GPR50: variants seen among roughly 807,000 people sequenced by gnomAD.
GPR50 encodes G protein-coupled receptor 50.
A neutral mutation model predicts 2.6 loss-of-function variants in GPR50; 1 was observed. The observed-to-expected ratio is 0.38, with a 90% confidence interval of 0.13 to 1.79. The LOEUF is 1.79. GPR50 is among the 40% of genes most tolerant of loss of function. The probability of loss-of-function intolerance (pLI) is 0.33; values close to 1 mark genes in which losing one functional copy is unlikely to be tolerated. For synonymous variants in GPR50, 233 were observed against 202.3 expected, an observed-to-expected ratio of 1.15 and a Z score of -1.29; for missense variants, 535 against 522.1, an observed-to-expected ratio of 1.02 and a Z score of -0.24.
In GPR50 at chrX:151,176,882, C is replaced by T. The variant is rs200181373; in HGVS notation, c.161C>T (p.Thr54Met). The change falls in exon 1 of 2, where the codon ACG becomes ATG. Residue 54 changes from threonine (T) to methionine (M), a missense_variant. Thr to Met is a moderately conservative substitution (Grantham distance 81). Transcript: ENST00000218316. ...AACTCCATGGTCATTTTGGCTGTGACGAAGAACAAGAAGCTCCGGAATTCT... is the reference window on the plus strand; with the variant it reads ...AACTCCATGGTCATTTTGGCTGTGATGAAGAACAAGAAGCTCCGGAATTCT... ...IGNSMVILAVTKNKKLRNSGN... is the reference protein window; with the variant it reads ...IGNSMVILAVMKNKKLRNSGN... The T allele has an allele frequency of 1.0e-5, 12 of 1,203,705 alleles. No individual in the cohort carries two copies. Among genetic ancestry groups the T allele is most frequent in the East Asian group, 5.9e-5 (2 of 33,632 alleles).
rs202029963 is a variant in GPR50, at chrX:151,181,283, C to T, written c.1700C>T (p.Pro567Leu). 116 of 1,209,626 alleles carry T rather than the reference C, an allele frequency of 9.6e-5. No homozygotes were observed. The highest frequency in any genetic ancestry group is 1.3e-4 in the Non-Finnish European group (114 of 895,005). ...GACCTCCCTGAGTCGGCCTCTAGCC[C>T]TGCCGCTGGGCCCACCAAGCCTGCT... Reference protein sequence around the residue: ...DSDLPESASSPAAGPTKPAAS... With the variant: ...DSDLPESASSLAAGPTKPAAS... The change falls in exon 2 of 2, where the codon CCT (proline) becomes CTT (leucine). Residue 567 changes from proline (P) to leucine (L), a missense_variant. Coordinates refer to ENST00000218316, the MANE Select transcript of GPR50 (RefSeq NM_004224.3).
chrX:151,179,700 A>C, intron 1 of GPR50, 71 bp from the exon 2 acceptor site: 1 of 737,068 alleles, frequency 1.4e-6, no homozygotes, highest in Non-Finnish European at 2.0e-6. Context: ...TTAAATGTGT[A>C]GATTTCTGTA....
chrX:151,179,732 T>C (rs1252492592), intron 1 of GPR50, 39 bp from the exon 2 acceptor site: 1 of 989,044 alleles, frequency 1.0e-6, no homozygotes, highest in Admixed American at 2.8e-5. Flanking sequence ...TATTCTTCTC[T>C]GTCTTTCCCC....
Position 151,179,933 on chromosome X carries a change from T to C in GPR50, c.350T>C (p.Phe117Ser). The C allele has an allele frequency of 8.3e-7, 1 of 1,211,369 alleles. No homozygotes were observed. The highest frequency in any genetic ancestry group is 1.1e-6 in the Non-Finnish European group (1 of 895,423). ...ITGLSVVGSI[F>S]NIVAIAINRY... Reference sequence around the variant, plus strand: ...GGGCTGAGTGTGGTCGGCTCCATCTTCAACATCGTGGCAATCGCTATCAAC... The same window carrying C: ...GGGCTGAGTGTGGTCGGCTCCATCTCCAACATCGTGGCAATCGCTATCAAC... The change falls in exon 2 of 2, where the codon TTC becomes TCC. Residue 117 changes from phenylalanine to serine, a missense_variant. By Grantham distance (155) the Phe-to-Ser change is radical. Transcript: ENST00000218316.
At chrX:151,179,052 C>G (rs1293576016) in intron 1 of GPR50, among the ~76,000 whole-genome samples, 2 of 101,052 alleles carry the variant, frequency 2.0e-5, no homozygotes, top group Non-Finnish European at 4.0e-5. Context: ...CTCCTCCCCC[C>G]CACCCCCGCC....
In GPR50 at chrX:151,181,282, C is replaced by T; in HGVS notation, c.1699C>T (p.Pro567Ser). ...TGACCTCCCTGAGTCGGCCTCTAGCCCTGCCGCTGGGCCCACCAAGCCTGC... is the reference window on the plus strand; with the variant it reads ...TGACCTCCCTGAGTCGGCCTCTAGCTCTGCCGCTGGGCCCACCAAGCCTGC... ...DSDLPESASS[P>S]AAGPTKPAAS... is the part of the protein sequence containing the mutation. The change falls in exon 2 of 2, where the codon CCT becomes TCT. Residue 567 changes from proline to serine, a missense_variant. Transcript: ENST00000218316. 2 of 1,211,333 alleles carry T rather than the reference C, an allele frequency of 1.7e-6. No individual in the cohort carries two copies. Among genetic ancestry groups the T allele is most frequent in the Non-Finnish European group, 2.2e-6 (2 of 895,268 alleles).
At chrX:151,182,433 C>T (rs1228851586), downstream of GPR50, 2 of 111,764 alleles carry the variant, frequency 1.8e-5, no homozygotes, top group Non-Finnish European at 3.8e-5. Flanking sequence ...TGCTTTCATT[C>T]AAAAGGGAAT....
In GPR50 at chrX:151,176,921, T is replaced by A; in HGVS notation, c.187+13T>A. ...CTCCGGAATTCTGGTAAGCCACCCC[T>A]TCTTCTCCCTACCCAGTGTGCAGAG... is the stretch of plus-strand genomic sequence containing the variant. On this transcript the variant is annotated intron_variant, in intron 1 of 1. Transcript: ENST00000218316. 8.6e-7 allele frequency: 1 copy of A among 1,158,507 alleles called. No individual in the cohort carries two copies. The highest frequency in any genetic ancestry group is 1.2e-6 in the Non-Finnish European group (1 of 851,231).
In GPR50 at chrX:151,176,708, T is replaced by A. The variant is rs375080244; in HGVS notation, c.-14T>A. 4.4e-6 allele frequency: 5 copies of A among 1,147,459 alleles called. No individual in the cohort carries two copies. The highest frequency in any genetic ancestry group is 5.8e-6 in the Non-Finnish European group (5 of 855,855). The allele number at this position is 1,147,459 out of a possible 1,213,427, so 94.6% of individuals were successfully genotyped here. A position where few individuals can be genotyped will look rare whatever the true frequency, so the allele number is the denominator to read the frequency against. ...TGAGCCTGCTGGGAGATCTTAACGA[T>A]CCCCAGGAGCAACATGGGGCCCACC... On this transcript the variant is annotated 5_prime_UTR_variant, in exon 1 of 2. Transcript: ENST00000218316.
In GPR50 at chrX:151,179,782, G is replaced by T; in HGVS notation, c.199G>T (p.Val67Leu). 8.6e-7 allele frequency: 1 copy of T among 1,161,102 alleles called. No individual in the cohort carries two copies. The highest frequency in any genetic ancestry group is 1.2e-6 in the Non-Finnish European group (1 of 865,814). Reference sequence around the variant, plus strand: ...GATATGTTTTTCAGGCAACATCTTCGTGGTCAGTCTCTCTGTGGCCGATAT... The same window carrying T: ...GATATGTTTTTCAGGCAACATCTTCTTGGTCAGTCTCTCTGTGGCCGATAT... Reference protein sequence around the residue: ...KKLRNSGNIFVVSLSVADMLV... With the variant: ...KKLRNSGNIFLVSLSVADMLV... The change falls in exon 2 of 2, where the codon GTG becomes TTG. Residue 67 changes from valine (V) to leucine (L), a missense_variant. By Grantham distance (32) the Val-to-Leu change is conservative (BLOSUM62 1). Coordinates refer to ENST00000218316, the MANE Select transcript of GPR50 (RefSeq NM_004224.3).
intron 1 of GPR50, among the ~76,000 whole-genome samples, chrX:151,179,004 T>C (rs917532587): frequency 4.5e-5 from 5 of 111,799 alleles, no homozygotes; most frequent in African/African-American, 1.6e-4. Context: ...GGCATGTAAC[T>C]GAAACAGGCA....
rs1409297036 is a variant in GPR50 at position 151,181,289 on chromosome X, C to G, written c.1706C>G (p.Ala569Gly). 3.3e-6 allele frequency: 4 copies of G among 1,211,442 alleles called. No individual in the cohort carries two copies. Among genetic ancestry groups the G allele is most frequent in the Admixed American group, 2.2e-5 (1 of 46,092 alleles). ...DLPESASSPA[A>G]GPTKPAASQL... ...CCTGAGTCGGCCTCTAGCCCTGCCGCTGGGCCCACCAAGCCTGCTGCCAGC... is the reference window on the plus strand; with the variant it reads ...CCTGAGTCGGCCTCTAGCCCTGCCGGTGGGCCCACCAAGCCTGCTGCCAGC... The change falls in exon 2 of 2, where the codon GCT (alanine) becomes GGT (glycine). Residue 569 changes from alanine (A) to glycine (G), a missense_variant. Transcript: ENST00000218316.
chrX:151,179,375 T>C (rs754804632), intron 1 of GPR50, among the ~76,000 whole-genome samples: 1 of 110,718 alleles, frequency 9.0e-6, no homozygotes, highest in East Asian at 2.8e-4. Context: ...TTTTTTTAGT[T>C]TGAGGCTTCC....
chrX:151,178,977 C>T (rs1453941901), intron 1 of GPR50, among the ~76,000 whole-genome samples: 1 of 112,295 alleles, frequency 8.9e-6, no homozygotes, highest in African/African-American at 3.2e-5. Flanking sequence ...CGCGGCTCTG[C>T]GCGTGGACGT....
chrX:151,181,037 G>A lies in GPR50; in HGVS notation c.1454G>A (p.Gly485Asp). The part of the protein sequence containing the change: ...KPITGHHVSA[G>D]SHSKSAFSAA... Reference sequence around the variant, plus strand: ...ATCACTGGCCACCATGTCTCTGCTGGCAGCCACTCCAAGTCTGCCTTCAGT... The same window carrying A: ...ATCACTGGCCACCATGTCTCTGCTGACAGCCACTCCAAGTCTGCCTTCAGT... Residue 485 changes from glycine to aspartate, a missense_variant, in exon 2 of 2, where the codon GGC (glycine) becomes GAC (aspartate). Transcript: ENST00000218316. The A allele has an allele frequency of 8.3e-7, 1 of 1,210,401 alleles. No homozygotes were observed. Among genetic ancestry groups the A allele is most frequent in the Non-Finnish European group, 1.1e-6 (1 of 895,040 alleles).
rs754033816 is a variant in GPR50 at position 151,180,088 on chromosome X, A to T, written c.505A>T (p.Ile169Phe). The T allele has an allele frequency of 8.3e-7, 1 of 1,210,110 alleles. No individual in the cohort carries two copies. Among genetic ancestry groups the T allele is most frequent in the Admixed American group, 2.2e-5 (1 of 46,008 alleles). The change falls in exon 2 of 2, where the codon ATC becomes TTC. Residue 169 changes from isoleucine to phenylalanine, a missense_variant. By Grantham distance (21) the Ile-to-Phe change is conservative. Coordinates refer to ENST00000218316, the MANE Select transcript of GPR50 (RefSeq NM_004224.3). ...CCTGCCCAACATGTACATTGGCACC[A>T]TCGAGTACGATCCTCGCACCTACAC... Reference protein sequence around the residue: ...AVLPNMYIGTIEYDPRTYTCI... With the variant: ...AVLPNMYIGTFEYDPRTYTCI...
In GPR50 at chrX:151,180,773, G is replaced by T. The variant is rs200441669; in HGVS notation, c.1190G>T (p.Arg397Leu). ...KPHSRSSSAY[R>L]KSASTHHKSV... ...CATTCCAGATCCTCCTCTGCCTATCGCAAATCTGCCTCTACCCACCACAAG... is the reference window on the plus strand; with the variant it reads ...CATTCCAGATCCTCCTCTGCCTATCTCAAATCTGCCTCTACCCACCACAAG... Residue 397 changes from arginine (R) to leucine (L), a missense_variant, in exon 2 of 2, where the codon CGC becomes CTC. Arg to Leu is a moderately radical substitution (Grantham distance 102, BLOSUM62 -2). Transcript: ENST00000218316. 2.1e-5 allele frequency: 25 copies of T among 1,207,334 alleles called. No individual in the cohort carries two copies. In the African/African-American group the frequency reaches 4.1e-4, roughly 20 times the overall value.
rs1443385893 is a variant in GPR50, at chrX:151,180,894, C to G, written c.1311C>G (p.Val437=). 8.3e-7 allele frequency: 1 copy of G among 1,208,910 alleles called. No individual in the cohort carries two copies. Among genetic ancestry groups the G allele is most frequent in the Non-Finnish European group, 1.1e-6 (1 of 894,819 alleles). ...PASGHPKSAT[V]YPKPASVHFK... is the part of the protein sequence containing the mutation. ...CTGGTCACCCCAAGTCTGCCACTGTCTACCCTAAGCCTGCCTCTGTCCATT... is the reference window on the plus strand; with the variant it reads ...CTGGTCACCCCAAGTCTGCCACTGTGTACCCTAAGCCTGCCTCTGTCCATT... The change falls in exon 2 of 2, where the codon GTC becomes GTG. Residue 437 remains valine (V), a synonymous_variant. Coordinates refer to ENST00000218316, the MANE Select transcript of GPR50 (RefSeq NM_004224.3).
chrX:151,180,067 C>A lies in GPR50; in HGVS notation c.484C>A (p.Pro162Thr), dbSNP rs1432384935. ...TWIMTVLAVLPNMYIGTIEYD... is the reference protein window; with the variant it reads ...TWIMTVLAVLTNMYIGTIEYD... ...GATCATGACCGTCCTGGCTGTCCTG[C>A]CCAACATGTACATTGGCACCATCGA... The change falls in exon 2 of 2, where the codon CCC becomes ACC. Residue 162 changes from proline to threonine, a missense_variant. Transcript: ENST00000218316. 2 of 1,211,530 alleles carry A rather than the reference C, an allele frequency of 1.7e-6. No homozygotes were observed. Among genetic ancestry groups the A allele is most frequent in the Admixed American group, 2.2e-5 (1 of 46,089 alleles).
Sources: gnomAD v4.1 joint callset for allele counts (sites outside exome capture counted in the v4.1 genomes callset) on GRCh38, gnomAD v4.1.1 for gene constraint, MANE v1.5 for transcripts, NCBI Gene and HGNC (gene_info 2026-07-23, HGNC 2026-07-21) for gene names.